Variants in TMEM67 observed in about 807,000 individuals in gnomAD.
The protein encoded by TMEM67 is transmembrane protein 67.
In TMEM67, 124 loss-of-function variants were observed where a neutral mutation model predicts 136.6. The ratio of observed to expected loss-of-function variants is 0.91; its 90% confidence interval spans 0.78 to 1.05. The LOEUF is 1.05. TMEM67 is among the 50% of genes least tolerant of loss of function. The pLI is 0.00. For missense variants in TMEM67, 1,107 were observed against 1,178.4 expected (o/e 0.94, Z 0.89); for synonymous variants, 364 against 390.5 (o/e 0.93, Z 0.80).
intron 3 of TMEM67, 146 bp from the exon 4 acceptor site, chr8:93,763,696 C>A: frequency 1.6e-6 from 1 of 634,540 alleles, no homozygotes; most frequent in East Asian, 2.8e-5. Context: ...TATGGAGATA[C>A]TTGTTATGCC....
Position 93,808,622 on chromosome 8 carries a change from T to C in TMEM67, c.2440-218T>C, listed in dbSNP as rs962932844. 3.5e-5 allele frequency among the ~76,000 whole-genome samples: 5 copies of C among 144,226 alleles called. 1 individual carries two copies. Among genetic ancestry groups the C allele is most frequent in the South Asian group, 4.4e-4 (2 of 4,558 alleles). The allele number at this position is 144,226 out of a possible 152,430, so 94.6% of individuals were successfully genotyped here. A position where few individuals can be genotyped will look rare whatever the true frequency, so the allele number is the denominator to read the frequency against. ...GAGCAAAGGAGATGATATAAAGACCTGCAAGGGAGTATGAATTAGAATAAA... is the reference window on the plus strand; with the variant it reads ...GAGCAAAGGAGATGATATAAAGACCCGCAAGGGAGTATGAATTAGAATAAA... On this transcript the variant is annotated intron_variant, in intron 23 of 27. Coordinates refer to ENST00000453321, the MANE Select transcript of TMEM67 (RefSeq NM_153704.6).
chr8:93,785,279 G>A lies in TMEM67; in HGVS notation c.1189G>A (p.Val397Met), dbSNP rs752927399. The A allele has an allele frequency of 6.2e-7, 1 of 1,603,506 alleles. No individual in the cohort carries two copies. ...IDFPTPIFYDVYLEYTDENQH... is the reference protein window; with the variant it reads ...IDFPTPIFYDMYLEYTDENQH... The stretch of plus-strand genomic sequence containing the variant: ...CTTTCCCACTCCTATATTTTATGAT[G>A]TGTACCTTGAATATACTGATGAAAA... The change falls in exon 12 of 28, where the codon GTG becomes ATG. Residue 397 changes from valine to methionine, a missense_variant. This residue lies in a region of TMEM67 where 925 missense variants were observed against 1,002.4 expected (regional missense o/e 0.92). Coordinates refer to ENST00000453321, the MANE Select transcript of TMEM67 (RefSeq NM_153704.6).
chr8:93,812,621 T>C (rs1411663001), intron 26 of TMEM67, among the ~76,000 whole-genome samples: 1 of 152,238 alleles, frequency 6.6e-6, no homozygotes, highest in Non-Finnish European at 1.5e-5. Context: ...AGTGCCTTCT[T>C]TGTAAAATTG....
chr8:93,789,844 G>A (rs942592991), intron 14 of TMEM67, among the ~76,000 whole-genome samples: 1 of 151,884 alleles, frequency 6.6e-6, no homozygotes, highest in Admixed American at 6.6e-5. Flanking sequence ...GCTGAGGCAG[G>A]CAGATCAGTT....
intron 7 of TMEM67, among the ~76,000 whole-genome samples, chr8:93,777,852 G>A (rs1336278826): frequency 1.3e-5 from 2 of 152,192 alleles, no homozygotes; most frequent in African/African-American, 4.8e-5. Context: ...GGAGAGTTCT[G>A]TAGGTGTCTA....
intron 26 of TMEM67, 84 bp downstream of exon 26, chr8:93,809,971 CTTTTTTTTTTT>C (rs375597348): frequency 8.5e-6 from 5 of 588,982 alleles, no homozygotes; most frequent in African/African-American, 6.2e-5. Flanking sequence ...TTCTTTTTTT[CTTTTTTTTTTT>C]TTTTTAGACG....
intron 15 of TMEM67, among the ~76,000 whole-genome samples, chr8:93,791,529 C>T (rs564919901): frequency 6.6e-6 from 1 of 152,244 alleles, no homozygotes; most frequent in Non-Finnish European, 1.5e-5. Flanking sequence ...ATTTGAATTT[C>T]ACTATTGAAT....
intron 21 of TMEM67, 91 bp downstream of exon 21, chr8:93,799,849 ATCCT>A: frequency 9.5e-7 from 1 of 1,058,074 alleles, no homozygotes; most frequent in South Asian, 1.3e-5. Context: ...TATTGACCAC[ATCCT>A]TCTTTCTGTA....
At position 93,815,355 on chromosome 8, in the gene TMEM67, C is replaced by T. The variant is rs749099530; in HGVS notation, c.2815C>T (p.Leu939Phe). The T allele has an allele frequency of 3.1e-6, 5 of 1,611,054 alleles. No homozygotes were observed. Among genetic ancestry groups the T allele is most frequent in the Non-Finnish European group, 3.4e-6 (4 of 1,178,184 alleles). ...SVLYYGNEAT[L>F]LIFDLLFFCV... ...CCTGTATTATGGAAATGAAGCTACTCTTCTTATTTTTGATCTGCTGTTCTT... is the reference window on the plus strand; with the variant it reads ...CCTGTATTATGGAAATGAAGCTACTTTTCTTATTTTTGATCTGCTGTTCTT... Residue 939 changes from leucine to phenylalanine, a missense_variant, in exon 27 of 28, where the codon CTT becomes TTT. By Grantham distance (22) the Leu-to-Phe change is conservative (BLOSUM62 0). This residue lies in a region of TMEM67 where 925 missense variants were observed against 1,002.4 expected (regional missense o/e 0.92). Coordinates refer to ENST00000453321, the MANE Select transcript of TMEM67 (RefSeq NM_153704.6).
downstream of TMEM67, among the ~76,000 whole-genome samples, chr8:93,818,383 C>T (rs948751933): frequency 3.1e-4 from 47 of 152,202 alleles, no homozygotes; most frequent in African/African-American, 1.0e-3. Context: ...TAAAATACTT[C>T]TGTAGACCAG....
intron 16 of TMEM67, among the ~76,000 whole-genome samples, chr8:93,794,644 A>C (rs1348700870): frequency 6.6e-6 from 1 of 152,242 alleles, no homozygotes; most frequent in Non-Finnish European, 1.5e-5. Context: ...AGGAATCAGC[A>C]GGGGTACTTG....
intron 7 of TMEM67, among the ~76,000 whole-genome samples, chr8:93,779,456 C>T (rs911599643): frequency 1.3e-5 from 2 of 152,154 alleles, no homozygotes; most frequent in Non-Finnish European, 2.9e-5. Context: ...TTAGAATTTT[C>T]AGCTTTTCTG....
At chr8:93,791,102 A>G (rs1052627373) in intron 14 of TMEM67, 161 bp from the exon 15 acceptor site, 12 of 576,238 alleles carry the variant, frequency 2.1e-5, no homozygotes, top group South Asian at 9.5e-5. Context: ...TCTCAAAAGC[A>G]TATCTATTTA....
chr8:93,761,978 G>A (rs1163816156), intron 3 of TMEM67: 2 of 152,082 alleles, frequency 1.3e-5, no homozygotes, highest in Non-Finnish European at 2.9e-5. Flanking sequence ...TTTTTTGCTT[G>A]GTGCAGTGTT....
intron 26 of TMEM67, among the ~76,000 whole-genome samples, chr8:93,811,583 C>G (rs1177005799): frequency 2.0e-5 from 3 of 152,026 alleles, no homozygotes; most frequent in South Asian, 4.1e-4. Context: ...ATAAGTTGAT[C>G]ACGGAGGTGT....
Position 93,816,378 on chromosome 8 carries a change from A to G in TMEM67, c.2914A>G (p.Arg972Gly). Residue 972 changes from arginine (R) to glycine (G), a missense_variant, in exon 28 of 28, where the codon AGA becomes GGA. By Grantham distance (125) the Arg-to-Gly change is moderately radical (BLOSUM62 -2). Coordinates refer to ENST00000453321, the MANE Select transcript of TMEM67 (RefSeq NM_153704.6). Reference protein sequence around the residue: ...FLTYLQQEIFRYIRNTVGQKN... With the variant: ...FLTYLQQEIFGYIRNTVGQKN... Reference sequence around the variant, plus strand: ...AATTGTTTTAATTTTCCAGATTTTTAGATATATCCGTAATACAGTAGGACA... The same window carrying G: ...AATTGTTTTAATTTTCCAGATTTTTGGATATATCCGTAATACAGTAGGACA... The G allele has an allele frequency of 6.6e-7, 1 of 1,522,254 alleles. No individual in the cohort carries two copies. Among genetic ancestry groups the G allele is most frequent in the Non-Finnish European group, 9.0e-7 (1 of 1,108,422 alleles). The allele number at this position is 1,522,254 out of a possible 1,614,324, so 94.3% of individuals were successfully genotyped here.
rs1814047987 is a variant in TMEM67 at position 93,785,379 on chromosome 8, G to A, written c.1288+1G>A. The A allele has an allele frequency of 1.2e-6, 2 of 1,612,216 alleles. No homozygotes were observed. The highest frequency in any genetic ancestry group is 1.7e-6 in the Non-Finnish European group (2 of 1,179,186). On this transcript the variant is annotated splice_donor_variant, in intron 12 of 27. Coordinates refer to ENST00000453321, the MANE Select transcript of TMEM67 (RefSeq NM_153704.6). LOFTEE classifies it high-confidence loss of function. ...CATAATAAGATATTTGTGAACCAAGGTAAGACATCCATACATACCACTCTT... is the reference window on the plus strand; with the variant it reads ...CATAATAAGATATTTGTGAACCAAGATAAGACATCCATACATACCACTCTT...
chr8:93,807,284 TAACTC>T (rs1352123763), intron 23 of TMEM67, among the ~76,000 whole-genome samples: 5 of 152,214 alleles, frequency 3.3e-5, no homozygotes, highest in African/African-American at 9.6e-5. Context: ...TTATGAATGT[TAACTC>T]AAGGAAAAAT....
chr8:93,758,211 G>A (rs1032208076), intron 2 of TMEM67, among the ~76,000 whole-genome samples: 3 of 152,170 alleles, frequency 2.0e-5, no homozygotes, highest in Non-Finnish European at 4.4e-5. Context: ...TTATGAAAGA[G>A]GCATCCATTT....
Sources: allele counts gnomAD v4.1 joint callset (sites outside exome capture counted in the v4.1 genomes callset), GRCh38; gene constraint gnomAD v4.1.1; regional missense constraint gnomAD v4.1.1; transcripts MANE v1.5; gene names NCBI Gene and HGNC (gene_info 2026-07-23, HGNC 2026-07-21).